KIRREL3: variants seen among roughly 807,000 people sequenced by gnomAD.
The protein encoded by KIRREL3 is kin of IRRE-like protein 3.
Under a neutral mutation model 89.7 loss-of-function variants are expected in KIRREL3, and 36 were observed. The observed-to-expected ratio is 0.40, with a 90% CI of 0.31 to 0.53. The LOEUF (loss-of-function observed/expected upper bound fraction) is 0.53. Among genes scored for constraint, KIRREL3 ranks in the 20% least tolerant of loss-of-function variants. The probability of loss-of-function intolerance (pLI) is 0.49; values close to 1 mark genes in which losing one functional copy is unlikely to be tolerated. For missense variants in KIRREL3, 864 were observed against 1,056.6 expected (o/e 0.82, Z 2.53); for synonymous variants, 445 against 441.4 (o/e 1.01, Z -0.10).
At chr11:126,481,954 T>C (rs1374289373) in intron 4 of KIRREL3, among the ~76,000 whole-genome samples, 3 of 152,240 alleles carry the variant, frequency 2.0e-5, no homozygotes, top group African/African-American at 7.2e-5. Flanking sequence ...TCATCACTTC[T>C]TACCTCAATT....
intron 8 of KIRREL3, 93 bp from the exon 9 acceptor site, chr11:126,446,979 TG>T (rs1325970589): frequency 4.8e-6 from 7 of 1,472,272 alleles, no homozygotes; most frequent in Admixed American, 2.0e-5. Context: ...AGACCTTGAC[TG>T]GGGGGAGGCA....
chr11:126,595,537 T>C (rs1942354150), intron 1 of KIRREL3, among the ~76,000 whole-genome samples: 1 of 152,360 alleles, frequency 6.6e-6, no homozygotes. Flanking sequence ...ACCTGAATTA[T>C]CTCATTTAAT....
rs10790826 is a variant in KIRREL3, at chr11:126,776,019, C to A, written c.56-213107G>T. ...GCTGGGGCTCCTGGATTGGGGGCCA[C>A]ACTCCTGAGACAGCAGAGTGGGAGC... On this transcript the variant is annotated intron_variant, in intron 1 of 16. Transcript: ENST00000525144. This position sits in a 1 kb window ranked among gnomAD's most constrained non-coding sequence, Gnocchi z 4.7. 0.27 allele frequency among the ~76,000 whole-genome samples: 40,992 copies of A among 152,040 alleles called. 6,650 individuals are homozygous for A. Among genetic ancestry groups the A allele is most frequent in the East Asian group, 0.79 (4,058 of 5,134 alleles).
At chr11:126,670,622 C>T (rs1314949065) in intron 1 of KIRREL3, among the ~76,000 whole-genome samples, 1 of 152,174 alleles carries the variant, frequency 6.6e-6, no homozygotes, top group Non-Finnish European at 1.5e-5. Context: ...GGTGAATAAA[C>T]AGAAGTTAAT....
intron 1 of KIRREL3, among the ~76,000 whole-genome samples, chr11:126,907,893 C>G (rs1360155740): frequency 6.6e-6 from 1 of 152,136 alleles, no homozygotes; most frequent in African/African-American, 2.4e-5. Context: ...ATCTGCTCAC[C>G]CTCTGCCTGG....
In KIRREL3 at chr11:126,682,480, G is replaced by C. The variant is rs1327368296; in HGVS notation, c.56-119568C>G. Among the ~76,000 whole-genome samples the C allele has an allele frequency of 6.8e-6, 1 of 146,604 alleles. No homozygotes were observed. The highest frequency in any genetic ancestry group is 1.5e-5 in the Non-Finnish European group (1 of 66,006). The stretch of plus-strand genomic sequence containing the variant: ...TTTTTTCCTGCCACTCCTTTACCAG[G>C]CTTTTTTTCACCTCAAATGAGTGAT... On this transcript the variant is annotated intron_variant, in intron 1 of 16. Coordinates refer to ENST00000525144, the MANE Select transcript of KIRREL3 (RefSeq NM_032531.4). The surrounding 1 kb of genome is among the most constrained non-coding windows in gnomAD (Gnocchi z 4.8).
intron 1 of KIRREL3, among the ~76,000 whole-genome samples, chr11:126,661,588 T>C (rs1945404818): frequency 6.6e-6 from 1 of 152,166 alleles, no homozygotes; most frequent in Non-Finnish European, 1.5e-5. Context: ...CCACCTCTAA[T>C]CAAAAGCAGA....
At chr11:126,581,648 T>A (rs1263232256) in intron 1 of KIRREL3, among the ~76,000 whole-genome samples, 2 of 69,594 alleles carry the variant, frequency 2.9e-5, no homozygotes, top group Non-Finnish European at 7.0e-5. Context: ...CTCACATATG[T>A]ATCATTTTTT....
rs542494413 is a variant in KIRREL3, at chr11:126,505,259, A to G, written c.433+16056T>C. On this transcript the variant is annotated intron_variant, in intron 4 of 16. Transcript: ENST00000525144. ...TGCAGAAAATCTTAAATTTACAAAT[A>G]ACTATTAGGTTTAAAAAATGTGTTT... Among the ~76,000 whole-genome samples the G allele has an allele frequency of 2.6e-5, 4 of 152,382 alleles. No homozygotes were observed. The East Asian group carries it at 7.7e-4, about 29-fold the overall frequency.
In KIRREL3 at chr11:126,459,794, C is replaced by T. The variant is rs577949463; in HGVS notation, c.743-3340G>A. 5.9e-5 allele frequency among the ~76,000 whole-genome samples: 9 copies of T among 152,262 alleles called. No homozygotes were observed. Among genetic ancestry groups the T allele is most frequent in the African/African-American group, 1.7e-4 (7 of 41,556 alleles). On this transcript the variant is annotated intron_variant, in intron 6 of 16. Transcript: ENST00000525144. The surrounding 1 kb of genome is among the most constrained non-coding windows in gnomAD (Gnocchi z 4.8). ...AGAGGGTGGGAAAAGAGAGAATCTT[C>T]ATGACTCAGTGATTTTGTAGCACAT...
chr11:126,762,791 A>C (rs927758373), intron 1 of KIRREL3, among the ~76,000 whole-genome samples: 2 of 152,158 alleles, frequency 1.3e-5, no homozygotes, highest in Admixed American at 6.5e-5. Flanking sequence ...AATACCTGAG[A>C]GCGTAGACTC....
rs1290307692 is a variant in KIRREL3, at chr11:126,883,495, C to G, written c.55+116960G>C. Among the ~76,000 whole-genome samples the G allele has an allele frequency of 6.6e-6, 1 of 152,096 alleles. No homozygotes were observed. The highest frequency in any genetic ancestry group is 1.5e-5 in the Non-Finnish European group (1 of 68,026). On this transcript the variant is annotated intron_variant, in intron 1 of 16. Transcript: ENST00000525144. The surrounding 1 kb of genome is among the most constrained non-coding windows in gnomAD (Gnocchi z 4.1). ...TCCATGACCTTACTCATGCTGGCAA[C>G]TCTGCTTGAAACGTCCTTAACTCAT...
chr11:126,646,910 C>T (rs1204839032), intron 1 of KIRREL3, among the ~76,000 whole-genome samples: 3 of 152,170 alleles, frequency 2.0e-5, no homozygotes, highest in Non-Finnish European at 1.5e-5. Flanking sequence ...TCCCCACAAG[C>T]CAATGTGGTC....
In KIRREL3 at chr11:126,525,929, T is replaced by C. The variant is rs1404984290; in HGVS notation, c.283+609A>G. The stretch of plus-strand genomic sequence containing the variant: ...GTCAGCACTGGCCAGTGAGTTCACG[T>C]GTCAGCCATCAACAACCATGGGAAC... On this transcript the variant is annotated intron_variant, in intron 3 of 16. Transcript: ENST00000525144. This position sits in a 1 kb window ranked among gnomAD's most constrained non-coding sequence, Gnocchi z 5.4. Among the ~76,000 whole-genome samples, 1 of 152,226 alleles carries C rather than the reference T, an allele frequency of 6.6e-6. No homozygotes were observed. Among genetic ancestry groups the C allele is most frequent in the Non-Finnish European group, 1.5e-5 (1 of 68,038 alleles).
chr11:126,499,046 G>C (rs1020271920), intron 4 of KIRREL3, among the ~76,000 whole-genome samples: 1 of 151,708 alleles, frequency 6.6e-6, no homozygotes, highest in African/African-American at 2.4e-5. Context: ...CCAGCTACTC[G>C]GAGGCAGAGG....
rs181402607 is a variant in KIRREL3 at position 126,606,500 on chromosome 11, G to T, written c.56-43588C>A. ...TAAGTTGTCGATTTCACAGGGCCAT[G>T]GGGGAGGGAAGTCCGGGCTCTCTGG... On this transcript the variant is annotated intron_variant, in intron 1 of 16. Transcript: ENST00000525144. The surrounding 1 kb of genome is among the most constrained non-coding windows in gnomAD (Gnocchi z 4.6). Among the ~76,000 whole-genome samples, 38 of 152,276 alleles carry T rather than the reference G, an allele frequency of 2.5e-4. No homozygotes were observed. Among genetic ancestry groups the T allele is most frequent in the African/African-American group, 8.9e-4 (37 of 41,552 alleles).
At position 126,931,290 on chromosome 11, in the gene KIRREL3, T is replaced by TTGAA. The variant is rs1169146921; in HGVS notation, c.55+69161_55+69164dup. 6.6e-6 allele frequency among the ~76,000 whole-genome samples: 1 copy of TTGAA among 152,166 alleles called. No homozygotes were observed. Among genetic ancestry groups the TTGAA allele is most frequent in the East Asian group, 1.9e-4 (1 of 5,186 alleles). On this transcript the variant is annotated intron_variant, in intron 1 of 16. Transcript: ENST00000525144. The surrounding 1 kb of genome is among the most constrained non-coding windows in gnomAD (Gnocchi z 5.1). ...CACATAGGATGTACTGAAATCAAGA[T>TTGAA]TGAATGAATGAATGAATGGATAGAC...
chr11:126,939,002 A>G (rs1220874421), intron 1 of KIRREL3, among the ~76,000 whole-genome samples: 1 of 152,188 alleles, frequency 6.6e-6, no homozygotes, highest in African/African-American at 2.4e-5. Flanking sequence ...AAAAAGCTTC[A>G]GTGTGAGAAG....
rs1214333243 is a variant in KIRREL3 at position 126,742,320 on chromosome 11, CTG to C, written c.56-179410_56-179409del. On this transcript the variant is annotated intron_variant, in intron 1 of 16. Coordinates refer to ENST00000525144, the MANE Select transcript of KIRREL3 (RefSeq NM_032531.4). This position sits in a 1 kb window ranked among gnomAD's most constrained non-coding sequence, Gnocchi z 5.3. ...AGGGAAGTTTATTATCAAAGCAAAA[CTG>C]GGGGTTGGGAGAAGTGTGGTATTCT... 6.6e-6 allele frequency among the ~76,000 whole-genome samples: 1 copy of C among 152,172 alleles called. No individual in the cohort carries two copies. Among genetic ancestry groups the C allele is most frequent in the Admixed American group, 6.5e-5 (1 of 15,274 alleles).
Sources: gnomAD v4.1 joint callset for allele counts (sites outside exome capture counted in the v4.1 genomes callset) on GRCh38, gnomAD v4.1.1 for gene constraint, Gnocchi (gnomAD v3.1) non-coding constraint, MANE v1.5 for transcripts, NCBI Gene and HGNC (gene_info 2026-07-23, HGNC 2026-07-21) for gene names.